The following TNC variants were observed in gnomAD, a reference collection of about 807,000 sequenced individuals.
The protein encoded by TNC is tenascin.
TNC carries 109 observed loss-of-function variants against 202.4 expected under a neutral mutation model. The ratio of observed to expected loss-of-function variants is 0.54; its 90% CI spans 0.46 to 0.63. The LOEUF (loss-of-function observed/expected upper bound fraction) is 0.63. Ranked by LOEUF, TNC falls within the 30% of genes least tolerant of loss-of-function variation. The probability of loss-of-function intolerance (pLI) is 0.00; values close to 1 mark genes in which losing one functional copy is unlikely to be tolerated. For missense variants in TNC, 2,756 were observed against 2,833.3 expected, an observed-to-expected ratio of 0.97 and a Z score of 0.62; for synonymous variants, 1,007 against 1,089.7, an observed-to-expected ratio of 0.92 and a Z score of 1.50.
chr9:115,049,206 G>A (rs1831452889), intron 15 of TNC, among the ~76,000 whole-genome samples: 1 of 152,054 alleles, frequency 6.6e-6, no homozygotes, highest in African/African-American at 2.4e-5. Context: ...AGTAAATTCT[G>A]TCACCATCTC....
At chr9:115,090,010 A>T (rs550001112) in intron 2 of TNC, among the ~76,000 whole-genome samples, 8 of 152,338 alleles carry the variant, frequency 5.3e-5, no homozygotes, top group African/African-American at 1.7e-4. Flanking sequence ...AATTGCTATT[A>T]AATTGGAACT....
chr9:115,076,546 C>T lies in TNC; in HGVS notation c.2704G>A (p.Val902Ile), dbSNP rs377630352. ...GTGATGCTGTTATCTGTCTGGGAAACACGTCGAAGATTCCTGGGAGCATCG... is the reference window on the plus strand; with the variant it reads ...GTGATGCTGTTATCTGTCTGGGAAATACGTCGAAGATTCCTGGGAGCATCG... ...GLDAPRNLRR[V>I]SQTDNSITLE... is the part of the protein sequence containing the mutation. Residue 902 changes from valine to isoleucine, a missense_variant, in exon 8 of 28, where the codon GTT (valine) becomes ATT (isoleucine). By Grantham distance (29) the Val-to-Ile change is conservative. Around this residue, in one of 2 missense-constraint regions of TNC, gnomAD observed 2,559 missense variants for 2,546.0 expected, o/e 1.01. Coordinates refer to ENST00000350763, the MANE Select transcript of TNC (RefSeq NM_002160.4). 184 of 1,614,086 alleles carry T rather than the reference C, an allele frequency of 1.1e-4. No homozygotes were observed. The highest frequency in any genetic ancestry group is 1.5e-4 in the Non-Finnish European group (180 of 1,180,054).
At chr9:115,055,530 G>A (rs1448764121) in intron 15 of TNC, 1 of 152,588 alleles carries the variant, frequency 6.6e-6, no homozygotes, top group Non-Finnish European at 1.5e-5. Flanking sequence ...ATCAGCCCAT[G>A]AAGGTGGGCA....
At chr9:115,056,007 T>G (rs564585711) in intron 15 of TNC, among the ~76,000 whole-genome samples, 1 of 152,250 alleles carries the variant, frequency 6.6e-6, no homozygotes, top group East Asian at 1.9e-4. Context: ...TCTCTCTGCC[T>G]TATCCATGGA....
At chr9:115,059,181 TA>T (rs1400149347) in intron 14 of TNC, among the ~76,000 whole-genome samples, 3 of 152,180 alleles carry the variant, frequency 2.0e-5, no homozygotes, top group Non-Finnish European at 4.4e-5. Context: ...AATGACTCAG[TA>T]TCTGAGAGAA....
At position 115,063,152 on chromosome 9, in the gene TNC, C is replaced by G; in HGVS notation, c.3798G>C (p.Glu1266Asp). ...VPDMGNLTVT[E>D]VSWDALRLNW... is the part of the protein sequence containing the mutation. ...TCAGTCTGAGAGCATCCCAGCTAACCTCGGTCACTGTGAGGTTTCCCATAT... is the reference window on the plus strand; with the variant it reads ...TCAGTCTGAGAGCATCCCAGCTAACGTCGGTCACTGTGAGGTTTCCCATAT... The change falls in exon 13 of 28, where the codon GAG (glutamate) becomes GAC (aspartate). Residue 1266 changes from glutamate to aspartate, a missense_variant. Coordinates refer to ENST00000350763, the MANE Select transcript of TNC (RefSeq NM_002160.4). 1 of 1,614,158 alleles carries G rather than the reference C, an allele frequency of 6.2e-7. No individual in the cohort carries two copies. The highest frequency in any genetic ancestry group is 8.5e-7 in the Non-Finnish European group (1 of 1,180,024).
In TNC at chr9:115,086,191, C is replaced by T. The variant is rs189249722; in HGVS notation, c.1540G>A (p.Gly514Arg). The T allele has an allele frequency of 9.2e-5, 149 of 1,614,182 alleles. No individual in the cohort carries two copies. Among genetic ancestry groups the T allele is most frequent in the East Asian group, 2.9e-4 (13 of 44,884 alleles). Residue 514 changes from glycine to arginine, a missense_variant, in exon 3 of 28, where the codon GGA becomes AGA. This residue lies in a region of TNC where 2,559 missense variants were observed against 2,546.0 expected (regional missense o/e 1.01). Coordinates refer to ENST00000350763, the MANE Select transcript of TNC (RefSeq NM_002160.4). The part of the protein sequence containing the change: ...DCSNRGLCVD[G>R]QCVCEDGFTG... ...AAGCCGTCCTCACAGACGCACTGTCCGTCCACACAGAGGCCCCTGTTGCTG... is the reference window on the plus strand; with the variant it reads ...AAGCCGTCCTCACAGACGCACTGTCTGTCCACACAGAGGCCCCTGTTGCTG...
At chr9:115,109,236 A>C (rs1275720041) in intron 1 of TNC, among the ~76,000 whole-genome samples, 1 of 152,248 alleles carries the variant, frequency 6.6e-6, no homozygotes, top group African/African-American at 2.4e-5. Flanking sequence ...GTAACAAAAC[A>C]ATGACAACAA....
chr9:115,031,558 G>T lies in TNC; in HGVS notation c.5915C>A (p.Thr1972Asn). The change falls in exon 23 of 28, where the codon ACC (threonine) becomes AAC (asparagine). Residue 1972 changes from threonine to asparagine, a missense_variant. Physicochemically the swap from Thr to Asn is moderately conservative, Grantham distance 65. Coordinates refer to ENST00000350763, the MANE Select transcript of TNC (RefSeq NM_002160.4). ...GGCACCCTGGGCCTCCTTACTTGTG[G>T]TGAAGATGGTCTGGATCATATTGCT... Reference protein sequence around the residue: ...LRSNMIQTIFTTIGLLYPFPK... With the variant: ...LRSNMIQTIFNTIGLLYPFPK... 6.4e-7 allele frequency: 1 copy of T among 1,569,720 alleles called. No individual in the cohort carries two copies. The highest frequency in any genetic ancestry group is 8.6e-7 in the Non-Finnish European group (1 of 1,158,278).
chr9:115,086,883 A>G lies in TNC; in HGVS notation c.848T>C (p.Leu283Pro), dbSNP rs757480398. 1.2e-6 allele frequency: 2 copies of G among 1,614,164 alleles called. No individual in the cohort carries two copies. Among genetic ancestry groups the G allele is most frequent in the South Asian group, 2.2e-5 (2 of 91,080 alleles). The stretch of plus-strand genomic sequence containing the variant: ...ACGGTTGTAGCAATTGTTGAGACAC[A>G]GAGGCTTGTTGCAGTCATCGCCTGC... ...GFAGDDCNKP[L>P]CLNNCYNRGR... Residue 283 changes from leucine (L) to proline (P), a missense_variant, in exon 3 of 28, where the codon CTG (leucine) becomes CCG (proline). Around this residue, in one of 2 missense-constraint regions of TNC, gnomAD observed 2,559 missense variants for 2,546.0 expected, o/e 1.01. Coordinates refer to ENST00000350763, the MANE Select transcript of TNC (RefSeq NM_002160.4).
Position 115,064,053 on chromosome 9 carries a change from A to AGCTCAGGGGCTTGTTCTG in TNC, c.3502_3503insCAGAACAAGCCCCTGAGC (p.Asn1167_Leu1168insSerGluGlnAlaProGlu), listed in dbSNP as rs1389866308. 1 of 1,607,396 alleles carries AGCTCAGGGGCTTGTTCTG rather than the reference A, an allele frequency of 6.2e-7. No homozygotes were observed. The highest frequency in any genetic ancestry group is 8.5e-7 in the Non-Finnish European group (1 of 1,175,574). ...CACCTCGGCCACCACGACCTCTCCC[A>AGCTCAGGGGCTTGTTCTG]AATTGGGAGTTTCCCCTGGAGAAGG... On this transcript the variant is annotated inframe_insertion, in exon 12 of 28. Transcript: ENST00000350763.
At chr9:115,078,984 C>G (rs1043177602) in intron 6 of TNC, among the ~76,000 whole-genome samples, 2 of 152,326 alleles carry the variant, frequency 1.3e-5, no homozygotes, top group Non-Finnish European at 2.9e-5. Flanking sequence ...TAATGAGAAG[C>G]CTTTTTTTAA....
chr9:115,051,370 G>A (rs941333385), intron 15 of TNC, among the ~76,000 whole-genome samples: 1 of 152,076 alleles, frequency 6.6e-6, no homozygotes, highest in Non-Finnish European at 1.5e-5. Context: ...ACATCTGCTA[G>A]GTGCCTAAGC....
intron 2 of TNC, among the ~76,000 whole-genome samples, chr9:115,089,898 C>T (rs527508762): frequency 2.0e-5 from 3 of 152,280 alleles, no homozygotes; most frequent in East Asian, 1.9e-4. Flanking sequence ...ACTTATCTTC[C>T]CCTCATCTAA....
intron 1 of TNC, among the ~76,000 whole-genome samples, chr9:115,094,069 A>C (rs1015698812): frequency 8.5e-5 from 13 of 152,146 alleles, no homozygotes; most frequent in Non-Finnish European, 1.9e-4. Context: ...TCCTCTCTAA[A>C]CCATGACCTC....
At position 115,090,609 on chromosome 9, in the gene TNC, C is replaced by T; in HGVS notation, c.410G>A (p.Arg137Lys). The change falls in exon 2 of 28, where the codon AGG becomes AAG. Residue 137 changes from arginine to lysine, a missense_variant. By Grantham distance (26) the Arg-to-Lys change is conservative (BLOSUM62 2). Around this residue, in one of 2 missense-constraint regions of TNC, gnomAD observed 2,559 missense variants for 2,546.0 expected, o/e 1.01. Transcript: ENST00000350763. ...EELENLVSSL[R>K]EQCTAGAGCC... ...GCCTGCTCCTGCAGTACATTGCTCC[C>T]TCAGGGAAGACACCAGGTTCTCCAG... 6.2e-7 allele frequency: 1 copy of T among 1,603,428 alleles called. No homozygotes were observed. Among genetic ancestry groups the T allele is most frequent in the Non-Finnish European group, 8.5e-7 (1 of 1,174,060 alleles).
chr9:115,035,090 T>C (rs1031887941), intron 22 of TNC, 114 bp downstream of exon 22: 28 of 1,297,608 alleles, frequency 2.2e-5, no homozygotes, highest in Middle Eastern at 2.6e-4. Context: ...ATTTTTTTTT[T>C]CAGCTCCCCA....
intron 22 of TNC, among the ~76,000 whole-genome samples, chr9:115,034,730 A>T (rs917228505): frequency 1.3e-5 from 2 of 152,250 alleles, no homozygotes; most frequent in African/African-American, 2.4e-5. Context: ...GTTATTTCAA[A>T]TTAAAAGGTA....
At chr9:115,113,148 C>A (rs1837209484) in intron 1 of TNC, among the ~76,000 whole-genome samples, 1 of 138,692 alleles carries the variant, frequency 7.2e-6, no homozygotes, top group Non-Finnish European at 1.6e-5. Context: ...TCAAAGAACA[C>A]CAGGGCCAAA....
Sources: gnomAD v4.1 joint callset for allele counts (sites outside exome capture counted in the v4.1 genomes callset) on GRCh38, gnomAD v4.1.1 for gene constraint, gnomAD v4.1.1 regional missense constraint, MANE v1.5 for transcripts, NCBI Gene and HGNC (gene_info 2026-07-23, HGNC 2026-07-21) for gene names.